Variants in PTPN1 observed in about 807,000 individuals in gnomAD.
PTPN1 encodes tyrosine-protein phosphatase non-receptor type 1.
In PTPN1, 12 loss-of-function variants were observed where a neutral mutation model predicts 59.9. That is an observed-to-expected ratio of 0.20 (90% CI 0.13 to 0.32). The LOEUF is 0.32. Ranked by LOEUF, PTPN1 falls within the 10% of genes least tolerant of loss-of-function variation. PTPN1 has a pLI of 1.00. For missense variants in PTPN1, 356 were observed against 549.2 expected, an observed-to-expected ratio of 0.65 and a Z score of 3.52; for synonymous variants, 178 against 203.6, an observed-to-expected ratio of 0.87 and a Z score of 1.07.
intron 1 of PTPN1, among the ~76,000 whole-genome samples, chr20:50,520,386 A>AAT (rs2082545952): frequency 6.6e-6 from 1 of 151,756 alleles, no homozygotes; most frequent in African/African-American, 2.4e-5. Context: ...AAAAAAAAAA[A>AAT]ATTAAGTGAT....
chr20:50,558,336 A>G (rs527515630), intron 1 of PTPN1, among the ~76,000 whole-genome samples: 234 of 152,344 alleles, frequency 1.5e-3, no homozygotes, highest in African/African-American at 5.3e-3. Context: ...TGAAATTAAT[A>G]GTATCTTTTA....
At chr20:50,564,615 A>G (rs111861779) in intron 2 of PTPN1, among the ~76,000 whole-genome samples, 147 of 152,266 alleles carry the variant, frequency 9.7e-4, no homozygotes, top group African/African-American at 3.5e-3. Flanking sequence ...GTTATGCATC[A>G]GAGAACAGAT....
Position 50,568,010 on chromosome 20 carries a change from C to T in PTPN1, c.256-370C>T, listed in dbSNP as rs562286714. Among the ~76,000 whole-genome samples the T allele has an allele frequency of 6.6e-6, 1 of 152,340 alleles. No homozygotes were observed. The highest frequency in any genetic ancestry group is 2.4e-5 in the African/African-American group (1 of 41,570). On this transcript the variant is annotated intron_variant, in intron 3 of 9. Coordinates refer to ENST00000371621, the MANE Select transcript of PTPN1 (RefSeq NM_002827.4). The surrounding 1 kb of genome is among the most constrained non-coding windows in gnomAD (Gnocchi z 5.6). ...CCAAGAGAAGTGTTGTGGTTGGCCA[C>T]GCCCCCACACTGCCTCTCATCTGCA...
intron 2 of PTPN1, among the ~76,000 whole-genome samples, chr20:50,563,643 A>C (rs1442082814): frequency 1.3e-5 from 2 of 152,242 alleles, no homozygotes; most frequent in Non-Finnish European, 2.9e-5. Flanking sequence ...TAGTTTTCAA[A>C]GACATCTCTC....
intron 1 of PTPN1, among the ~76,000 whole-genome samples, chr20:50,517,562 C>T (rs6091173): frequency 0.52 from 78,618 of 151,954 alleles, 21,013 homozygotes; most frequent in African/African-American, 0.66. Context: ...CCCGGCCCAG[C>T]CCTTTTTTTA....
At chr20:50,520,877 T>C (rs1031614282) in intron 1 of PTPN1, among the ~76,000 whole-genome samples, 1 of 152,162 alleles carries the variant, frequency 6.6e-6, no homozygotes, top group African/African-American at 2.4e-5. Context: ...AATGTAGTCA[T>C]TAGACTAGAC....
At chr20:50,555,278 A>G (rs1398329670) in intron 1 of PTPN1, among the ~76,000 whole-genome samples, 3 of 152,232 alleles carry the variant, frequency 2.0e-5, no homozygotes, top group East Asian at 3.8e-4. Context: ...GAGAATTCAA[A>G]GGAGTGTAAT....
In PTPN1 at chr20:50,582,775, C is replaced by A. The variant is rs1196094584; in HGVS notation, c.*60C>A. ...CCGCCTCTGCCCGCAGAGCCCACGC[C>A]CGACTAGCAGGCATGCCGCGGTAGG... On this transcript the variant is annotated 3_prime_UTR_variant, in exon 10 of 10. Coordinates refer to ENST00000371621, the MANE Select transcript of PTPN1 (RefSeq NM_002827.4). The surrounding 1 kb of genome is among the most constrained non-coding windows in gnomAD (Gnocchi z 4.2). 5.0e-6 allele frequency: 8 copies of A among 1,603,734 alleles called. No individual in the cohort carries two copies. The African/African-American group carries it at 1.1e-4, about 21-fold the overall frequency.
At chr20:50,571,222 C>T (rs2082806909) in intron 4 of PTPN1, 1 of 152,260 alleles carries the variant, frequency 6.6e-6, no homozygotes, top group Non-Finnish European at 1.5e-5. Flanking sequence ...GACAACCTTT[C>T]CCTTTGGGTT....
In PTPN1 at chr20:50,578,604, G is replaced by C; in HGVS notation, c.677G>C (p.Cys226Ser). 6.2e-7 allele frequency: 1 copy of C among 1,614,112 alleles called. No homozygotes were observed. Among genetic ancestry groups the C allele is most frequent in the African/African-American group, 1.3e-5 (1 of 75,048 alleles). The part of the protein sequence containing the change: ...SAGIGRSGTF[C>S]LADTCLLLMD... ...GGCATCGGCAGGTCTGGAACCTTCT[G>C]TCTGGCTGATACCTGCCTCTTGCTG... Residue 226 changes from cysteine (C) to serine (S), a missense_variant, in exon 6 of 10, where the codon TGT (cysteine) becomes TCT (serine). Cys to Ser is a moderately radical substitution (Grantham distance 112). Coordinates refer to ENST00000371621, the MANE Select transcript of PTPN1 (RefSeq NM_002827.4).
At chr20:50,536,109 C>A (rs1202415843) in intron 1 of PTPN1, among the ~76,000 whole-genome samples, 2 of 152,180 alleles carry the variant, frequency 1.3e-5, no homozygotes, top group African/African-American at 2.4e-5. Flanking sequence ...TTAGTCACCA[C>A]ATAAGATGGG....
chr20:50,578,753 T>C, intron 6 of PTPN1, 124 bp downstream of exon 6: 3 of 818,528 alleles, frequency 3.7e-6, no homozygotes, highest in Non-Finnish European at 5.7e-6. Flanking sequence ...TTAGTCTGTT[T>C]TTGCGTTACT....
chr20:50,571,996 ATTAC>A (rs1477184106), intron 4 of PTPN1: 2 of 152,210 alleles, frequency 1.3e-5, no homozygotes, highest in Admixed American at 1.3e-4. Flanking sequence ...TGTGTTAAGA[ATTAC>A]TTACTTAGTT....
At chr20:50,573,359 G>C (rs2082820514) in intron 4 of PTPN1, 1 of 152,234 alleles carries the variant, frequency 6.6e-6, no homozygotes, top group African/African-American at 2.4e-5. Context: ...AGCTTTCTCT[G>C]ATCTCTCTTT....
chr20:50,549,715 C>T (rs1221811844), intron 1 of PTPN1, among the ~76,000 whole-genome samples: 1 of 152,178 alleles, frequency 6.6e-6, no homozygotes, highest in African/African-American at 2.4e-5. Flanking sequence ...AGACTTGGTA[C>T]TGATTAGCTT....
At chr20:50,530,033 C>G (rs1361461590) in intron 1 of PTPN1, among the ~76,000 whole-genome samples, 3 of 151,954 alleles carry the variant, frequency 2.0e-5, no homozygotes. Context: ...TGCCACTACA[C>G]CTGGCTAATA....
chr20:50,559,804 G>A (rs1211169224), intron 1 of PTPN1, among the ~76,000 whole-genome samples: 2 of 148,666 alleles, frequency 1.3e-5, no homozygotes, highest in East Asian at 2.0e-4. Flanking sequence ...TTCTTTCTGA[G>A]TATATTAATA....
chr20:50,516,755 G>A (rs1023930470), intron 1 of PTPN1, among the ~76,000 whole-genome samples: 1 of 152,166 alleles, frequency 6.6e-6, no homozygotes, highest in Non-Finnish European at 1.5e-5. Flanking sequence ...CAATTGGGTG[G>A]CTTTTCCTGT....
Position 50,582,860 on chromosome 20 carries a change from A to C in PTPN1, c.*145A>C. On this transcript the variant is annotated 3_prime_UTR_variant, in exon 10 of 10. Transcript: ENST00000371621. This position sits in a 1 kb window ranked among gnomAD's most constrained non-coding sequence, Gnocchi z 4.2. ...CGGACGGACGTTGGTTCTGCACTAA[A>C]ACCCATCTTCCCCGGATGTGTGTCT... 1.1e-6 allele frequency: 1 copy of C among 920,384 alleles called. No homozygotes were observed. Among genetic ancestry groups the C allele is most frequent in the Non-Finnish European group, 1.7e-6 (1 of 594,454 alleles). The allele number at this position is 920,384 out of a possible 1,614,324, so 57.0% of individuals were successfully genotyped here.
Sources: allele counts gnomAD v4.1 joint callset (sites outside exome capture counted in the v4.1 genomes callset), GRCh38; gene constraint gnomAD v4.1.1; non-coding constraint Gnocchi (gnomAD v3.1); transcripts MANE v1.5; gene names NCBI Gene and HGNC (gene_info 2026-07-23, HGNC 2026-07-21).